The following DHX15 variants were observed in gnomAD, a reference collection of about 807,000 sequenced individuals.
DHX15 encodes the protein ATP-dependent RNA helicase DHX15.
In DHX15, 11 loss-of-function variants were observed where a neutral mutation model predicts 94.4. That is an observed-to-expected ratio of 0.12 (90% CI 0.07 to 0.19). DHX15 has a LOEUF of 0.19. Among genes scored for constraint, DHX15 ranks in the 10% least tolerant of loss-of-function variants. DHX15 has a pLI of 1.00. For synonymous variants in DHX15, 338 were observed against 329.9 expected, an observed-to-expected ratio of 1.02 and a Z score of -0.27; for missense variants, 304 against 988.5, an observed-to-expected ratio of 0.31 and a Z score of 9.29.
At chr4:24,555,418 A>G (rs981514585) in intron 4 of DHX15, among the ~76,000 whole-genome samples, 13 of 152,162 alleles carry the variant, frequency 8.5e-5, no homozygotes, top group African/African-American at 3.1e-4. Flanking sequence ...TAGCACAATA[A>G]ATTTAATAAA....
At chr4:24,580,536 T>A (rs1722387401) in intron 1 of DHX15, among the ~76,000 whole-genome samples, 1 of 150,128 alleles carries the variant, frequency 6.7e-6, no homozygotes, top group Non-Finnish European at 1.5e-5. Context: ...TTAAAGACAG[T>A]CTACCTCTGT....
At chr4:24,550,780 G>A (rs564813887) in intron 5 of DHX15, among the ~76,000 whole-genome samples, 75 of 152,294 alleles carry the variant, frequency 4.9e-4, no homozygotes, top group African/African-American at 1.8e-3. Context: ...GATAAAACAT[G>A]TAGTATAGTA....
chr4:24,574,207 A>AAAAAG, intron 2 of DHX15, among the ~76,000 whole-genome samples: 1 of 81,242 alleles, frequency 1.2e-5, no homozygotes, highest in Non-Finnish European at 2.5e-5. Flanking sequence ...CTTTGTCTCA[A>AAAAAG]AAAAAAAAAA....
At chr4:24,540,045 A>G (rs1721277435) in intron 10 of DHX15, 63 bp downstream of exon 10, 1 of 1,285,894 alleles carries the variant, frequency 7.8e-7, no homozygotes, top group Middle Eastern at 2.3e-4. Flanking sequence ...AAACAAAAAC[A>G]AAAGTGAAGT....
At chr4:24,584,254 C>T (rs1722553777) in intron 1 of DHX15, 69 bp downstream of exon 1, 1 of 1,505,108 alleles carries the variant, frequency 6.6e-7, no homozygotes, top group Non-Finnish European at 9.0e-7. Context: ...CCAGGCCAGC[C>T]CCGGCCCGCT....
rs571131139 is a variant in DHX15 at position 24,584,211 on chromosome 4, G to A, written c.71+112C>T. ...GCCGCTAGTGAACCCAGCCCAGAGA[G>A]AAACAAAGGCTCGGGCTCCAGGACC... On this transcript the variant is annotated intron_variant, in intron 1 of 13. Coordinates refer to ENST00000336812, the MANE Select transcript of DHX15 (RefSeq NM_001358.3). The A allele has an allele frequency of 3.1e-5, 36 of 1,165,854 alleles. No individual in the cohort carries two copies. The African/African-American group carries it at 3.3e-4, about 11-fold the overall frequency. The allele number at this position is 1,165,854 out of a possible 1,614,324, so 72.2% of individuals were successfully genotyped here. A position where few individuals can be genotyped will look rare whatever the true frequency, so the allele number is the denominator to read the frequency against.
In DHX15 at chr4:24,534,879, A is replaced by G. The variant is rs1178618691; in HGVS notation, c.1910-1825T>C. ...CCATTTAAAAAGCTTTCGTGAAAATATTCCAAATATTTTCATATCCATATA... is the reference window on the plus strand; with the variant it reads ...CCATTTAAAAAGCTTTCGTGAAAATGTTCCAAATATTTTCATATCCATATA... On this transcript the variant is annotated intron_variant, in intron 11 of 13. Coordinates refer to ENST00000336812, the MANE Select transcript of DHX15 (RefSeq NM_001358.3). Among the ~76,000 whole-genome samples, 5 of 152,090 alleles carry G rather than the reference A, an allele frequency of 3.3e-5. 1 individual carries two copies. The East Asian group carries it at 5.8e-4, about 18-fold the overall frequency.
At chr4:24,539,012 A>C (rs1479813497) in intron 10 of DHX15, 1 of 152,122 alleles carries the variant, frequency 6.6e-6, no homozygotes, top group Non-Finnish European at 1.5e-5. Context: ...GGCAGACAAC[A>C]ACCTACCACC....
At chr4:24,583,653 T>G (rs1392795695) in intron 1 of DHX15, among the ~76,000 whole-genome samples, 1 of 152,036 alleles carries the variant, frequency 6.6e-6, no homozygotes, top group African/African-American at 2.4e-5. Flanking sequence ...AACTATAAAC[T>G]CAGTCGCCCC....
At chr4:24,547,883 CTCTCTCT>C (rs1721462709) in intron 6 of DHX15, among the ~76,000 whole-genome samples, 1 of 31,068 alleles carries the variant, frequency 3.2e-5, no homozygotes, top group African/African-American at 1.1e-4. Flanking sequence ...CTCTCTCTCT[CTCTCTCT>C]ATGTATGTAT....
intron 5 of DHX15, among the ~76,000 whole-genome samples, chr4:24,553,691 C>T (rs1380184327): frequency 4.0e-5 from 6 of 150,052 alleles, no homozygotes; most frequent in African/African-American, 7.4e-5. Context: ...GCAAGAGAAT[C>T]GCTTGAACCC....
intron 1 of DHX15, among the ~76,000 whole-genome samples, chr4:24,581,740 C>T (rs183512379): frequency 6.6e-6 from 1 of 152,210 alleles, no homozygotes; most frequent in African/African-American, 2.4e-5. Flanking sequence ...AAATGAAAAA[C>T]GCCCCTAACA....
In DHX15 at chr4:24,533,279, A is replaced by G. The variant is rs78352596; in HGVS notation, c.1910-225T>C. 7.1e-3 allele frequency: 3,969 copies of G among 562,732 alleles called. 58 individuals carry two copies. The highest frequency in any genetic ancestry group is 0.043 in the East Asian group (1,442 of 33,904). 34.9% of individuals were successfully genotyped at this position (562,732 alleles called of 1,614,324 possible). On this transcript the variant is annotated intron_variant, in intron 11 of 13. Coordinates refer to ENST00000336812, the MANE Select transcript of DHX15 (RefSeq NM_001358.3). ...ACAAGGCTTTTGGATTTGGATGCCA[A>G]AACAATGCTTTTGAATTAACTGTTT...
At chr4:24,543,774 T>C (rs10007870) in intron 6 of DHX15, among the ~76,000 whole-genome samples, 5,415 of 151,846 alleles carry the variant, frequency 0.036, 290 homozygotes, top group African/African-American at 0.12. Context: ...TTACATATAA[T>C]TTTTTTTTAA....
chr4:24,563,071 A>C (rs993039012), intron 3 of DHX15: 6 of 151,926 alleles, frequency 3.9e-5, no homozygotes, highest in Non-Finnish European at 8.8e-5. Context: ...TCTTATATTT[A>C]AATGTCCAGG....
intron 3 of DHX15, among the ~76,000 whole-genome samples, chr4:24,557,938 C>CG (rs919166754): frequency 6.6e-5 from 10 of 151,008 alleles, no homozygotes; most frequent in Admixed American, 4.0e-4. Context: ...TTGTGAGTTA[C>CG]CTCTCTTAGC....
intron 3 of DHX15, among the ~76,000 whole-genome samples, chr4:24,558,523 A>C (rs1721791402): frequency 6.6e-6 from 1 of 152,180 alleles, no homozygotes; most frequent in Non-Finnish European, 1.5e-5. Context: ...ATTATAAATT[A>C]GATTAATGGA....
At chr4:24,555,373 T>C (rs1577341959) in intron 4 of DHX15, among the ~76,000 whole-genome samples, 1 of 152,064 alleles carries the variant, frequency 6.6e-6, no homozygotes, top group Non-Finnish European at 1.5e-5. Context: ...TAAGAGTTCT[T>C]AATTTCTACT....
At chr4:24,542,846 A>G (rs894413122) in intron 7 of DHX15, 94 bp downstream of exon 7, 1 of 924,044 alleles carries the variant, frequency 1.1e-6, no homozygotes, top group Non-Finnish European at 1.7e-6. Context: ...AGATAGGAAA[A>G]TAATTCTGAA....
Sources: allele counts gnomAD v4.1 joint callset (sites outside exome capture counted in the v4.1 genomes callset), GRCh38; gene constraint gnomAD v4.1.1; transcripts MANE v1.5; gene names NCBI Gene and HGNC (gene_info 2026-07-23, HGNC 2026-07-21).